The following RTN1 variants were observed in gnomAD, a reference collection of about 807,000 sequenced individuals.
RTN1 encodes reticulon-1.
Under a neutral mutation model 65.5 loss-of-function variants are expected in RTN1, and 25 were observed. The observed-to-expected ratio is 0.38, with a 90% confidence interval of 0.28 to 0.53. The LOEUF (loss-of-function observed/expected upper bound fraction) is 0.53, where lower values mean the gene tolerates loss of function less well. Among genes scored for constraint, RTN1 ranks in the 20% least tolerant of loss-of-function variants. The probability of loss-of-function intolerance (pLI) is 0.79; values close to 1 mark genes in which losing one functional copy is unlikely to be tolerated. For synonymous variants in RTN1, 471 were observed against 447.6 expected, an observed-to-expected ratio of 1.05 and a Z score of -0.66; for missense variants, 983 against 1,025.4, an observed-to-expected ratio of 0.96 and a Z score of 0.57.
At chr14:59,755,953 T>A (rs928462688) in intron 1 of RTN1, among the ~76,000 whole-genome samples, 4 of 152,222 alleles carry the variant, frequency 2.6e-5, no homozygotes, top group Non-Finnish European at 5.9e-5. Context: ...ATAATAGATT[T>A]CGCTTTTGGT....
At chr14:59,750,141 T>C (rs865992791) in intron 1 of RTN1, among the ~76,000 whole-genome samples, 2 of 61,054 alleles carry the variant, frequency 3.3e-5, no homozygotes, top group Admixed American at 3.0e-4. Flanking sequence ...TAATATATAA[T>C]ATATATATTA....
rs146211002 is a variant in RTN1, at chr14:59,652,310, C to T, written c.1766-44818G>A. 6.0e-4 allele frequency among the ~76,000 whole-genome samples: 91 copies of T among 152,212 alleles called. 2 individuals carry two copies. The South Asian group carries it at 7.1e-3, about 12-fold the overall frequency. On this transcript the variant is annotated intron_variant, in intron 3 of 8. Transcript: ENST00000267484. ...GAGCTAAAAACAACTACCACTTGACCCAGCAATCTCATTACTAGGTATATA... is the reference window on the plus strand; with the variant it reads ...GAGCTAAAAACAACTACCACTTGACTCAGCAATCTCATTACTAGGTATATA...
chr14:59,767,498 G>C (rs1885871453), intron 1 of RTN1, among the ~76,000 whole-genome samples: 1 of 152,194 alleles, frequency 6.6e-6, no homozygotes, highest in African/African-American at 2.4e-5. Flanking sequence ...ACTTGCTTGA[G>C]CCATTCTATT....
intron 3 of RTN1, among the ~76,000 whole-genome samples, chr14:59,663,305 T>C (rs750132351): frequency 1.4e-4 from 21 of 152,022 alleles, no homozygotes; most frequent in Non-Finnish European, 2.6e-4. Context: ...CCTAAAACCA[T>C]GAAAACACTA....
intron 1 of RTN1, among the ~76,000 whole-genome samples, chr14:59,867,073 C>G (rs773730178): frequency 2.5e-4 from 38 of 152,192 alleles, no homozygotes; most frequent in Non-Finnish European, 5.0e-4. Context: ...TGACCATTCT[C>G]CATCATGTTC....
intron 3 of RTN1, among the ~76,000 whole-genome samples, chr14:59,687,773 G>T (rs1357170807): frequency 6.6e-6 from 1 of 151,768 alleles, no homozygotes; most frequent in African/African-American, 2.4e-5. Context: ...GTACAGGGGG[G>T]TCCTCTTCAC....
chr14:59,714,859 G>T (rs1046801742), intron 3 of RTN1, among the ~76,000 whole-genome samples: 17 of 152,164 alleles, frequency 1.1e-4, no homozygotes, highest in African/African-American at 3.9e-4. Context: ...GAGGGGAGCG[G>T]CAGGTGAGTG....
chr14:59,752,812 G>A (rs965545297), intron 1 of RTN1, among the ~76,000 whole-genome samples: 4 of 152,116 alleles, frequency 2.6e-5, no homozygotes, highest in African/African-American at 9.7e-5. Context: ...ACTAATTAAT[G>A]CAAATTACAA....
At chr14:59,787,846 C>G (rs1240729746) in intron 1 of RTN1, among the ~76,000 whole-genome samples, 1 of 152,008 alleles carries the variant, frequency 6.6e-6, no homozygotes, top group African/African-American at 2.4e-5. Context: ...TTCCGAGTCC[C>G]CATCGTTCAT....
intron 1 of RTN1, among the ~76,000 whole-genome samples, chr14:59,859,290 G>A (rs949370290): frequency 6.6e-5 from 10 of 152,268 alleles, no homozygotes; most frequent in South Asian, 6.2e-4. Flanking sequence ...TCCTGTTCTC[G>A]TGATAGCGAG....
chr14:59,650,715 C>T (rs1260340103), intron 3 of RTN1, among the ~76,000 whole-genome samples: 1 of 152,138 alleles, frequency 6.6e-6, no homozygotes, highest in Non-Finnish European at 1.5e-5. Flanking sequence ...TGTAAGATCT[C>T]TACAATGAAA....
chr14:59,753,953 G>A (rs1011231184), intron 1 of RTN1, among the ~76,000 whole-genome samples: 1 of 152,206 alleles, frequency 6.6e-6, no homozygotes, highest in African/African-American at 2.4e-5. Flanking sequence ...AGAGGCAAAT[G>A]TACCTTGAGA....
chr14:59,861,049 T>C (rs753076274), intron 1 of RTN1, among the ~76,000 whole-genome samples: 36 of 152,056 alleles, frequency 2.4e-4, no homozygotes, highest in Non-Finnish European at 4.1e-4. Flanking sequence ...AGTTAAGACT[T>C]TGAGGGACTG....
Position 59,750,009 on chromosome 14 carries a change from T to C in RTN1, c.242-3528A>G, listed in dbSNP as rs1476906812. 7.2e-5 allele frequency among the ~76,000 whole-genome samples: 5 copies of C among 69,354 alleles called. No homozygotes were observed. The Admixed American group carries it at 1.6e-3, about 23-fold the overall frequency. The allele number at this position is 69,354 out of a possible 152,430, so 45.5% of individuals were successfully genotyped here. A position where few individuals can be genotyped will look rare whatever the true frequency, so the allele number is the denominator to read the frequency against. On this transcript the variant is annotated intron_variant, in intron 1 of 8. Coordinates refer to ENST00000267484, the MANE Select transcript of RTN1 (RefSeq NM_021136.3). ...ATTATATACATATATATTATATACA[T>C]ATATATTATATATTATATTATATAC...
In RTN1 at chr14:59,752,580, A is replaced by G. The variant is rs145819089; in HGVS notation, c.242-6099T>C. Among the ~76,000 whole-genome samples, 5 of 152,220 alleles carry G rather than the reference A, an allele frequency of 3.3e-5. No homozygotes were observed. In the East Asian group the frequency reaches 9.6e-4, roughly 29 times the overall value. On this transcript the variant is annotated intron_variant, in intron 1 of 8. Coordinates refer to ENST00000267484, the MANE Select transcript of RTN1 (RefSeq NM_021136.3). ...TCCTATTGTCTCCCTCTTCATTCTC[A>G]TAGCACTTAATTTATACTGCTCATG...
chr14:59,637,838 T>C (rs1594646416), intron 3 of RTN1, among the ~76,000 whole-genome samples: 1 of 152,084 alleles, frequency 6.6e-6, no homozygotes, highest in Non-Finnish European at 1.5e-5. Flanking sequence ...GCATTTAATA[T>C]GGCAGCTATA....
intron 5 of RTN1, chr14:59,604,892 T>A (rs1881694801): frequency 6.6e-6 from 1 of 152,308 alleles, no homozygotes; most frequent in Non-Finnish European, 1.5e-5. Context: ...AGGCTGGGCA[T>A]ACCTCTAGCC....
In RTN1 at chr14:59,746,924, A is replaced by T. The variant is rs537847870; in HGVS notation, c.242-443T>A. On this transcript the variant is annotated intron_variant, in intron 1 of 8. Transcript: ENST00000267484. ...AATAGGATAGCTGACTGGGTACAGGAGCTGCTCTTGGAAATTCAATGGCTG... is the reference window on the plus strand; with the variant it reads ...AATAGGATAGCTGACTGGGTACAGGTGCTGCTCTTGGAAATTCAATGGCTG... Among the ~76,000 whole-genome samples, 14 of 152,266 alleles carry T rather than the reference A, an allele frequency of 9.2e-5. No individual in the cohort carries two copies. The South Asian group carries it at 2.9e-3, about 32-fold the overall frequency.
rs1014952929 is a variant in RTN1 at position 59,715,330 on chromosome 14, C to T, written c.1765+11589G>A. 5.9e-5 allele frequency among the ~76,000 whole-genome samples: 9 copies of T among 152,244 alleles called. No homozygotes were observed. In the East Asian group the frequency reaches 1.3e-3, roughly 23 times the overall value. On this transcript the variant is annotated intron_variant, in intron 3 of 8. Transcript: ENST00000267484. ...CTGAGACTTTCCTCATCAACAAGTC[C>T]CTTTATGTTTTTAGCCAGAGTAGTG...
Sources: allele counts gnomAD v4.1 joint callset (sites outside exome capture counted in the v4.1 genomes callset), GRCh38; gene constraint gnomAD v4.1.1; transcripts MANE v1.5; gene names NCBI Gene and HGNC (gene_info 2026-07-23, HGNC 2026-07-21).